The following CNMD variants were observed in gnomAD, a reference collection of about 807,000 sequenced individuals.
The protein encoded by CNMD is chondromodulin, also known as leukocyte cell-derived chemotaxin 1.
CNMD carries 30 observed loss-of-function variants against 37.5 expected under a neutral mutation model. The ratio of observed to expected loss-of-function variants is 0.80; its 90% CI spans 0.60 to 1.09. The LOEUF is 1.09. Among genes scored for constraint, CNMD ranks in the 50% least tolerant of loss-of-function variants. CNMD has a pLI of 0.00. For missense variants in CNMD, 398 were observed against 423.9 expected, an observed-to-expected ratio of 0.94 and a Z score of 0.54; for synonymous variants, 167 against 148.2, an observed-to-expected ratio of 1.13 and a Z score of -0.92.
chr13:52,712,066 G>A (rs140392708), intron 5 of CNMD, among the ~76,000 whole-genome samples: 3 of 152,256 alleles, frequency 2.0e-5, no homozygotes, highest in African/African-American at 4.8e-5. Flanking sequence ...GGCCAGTGTG[G>A]TGACTGCAGT....
intron 6 of CNMD, among the ~76,000 whole-genome samples, chr13:52,708,121 TA>T (rs757912065): frequency 7.2e-5 from 11 of 151,996 alleles, no homozygotes; most frequent in Non-Finnish European, 1.5e-4. Flanking sequence ...AATAATTGAA[TA>T]AAAGTCTAAG....
rs1209678450 is a variant in CNMD at position 52,739,293 on chromosome 13, C to T, written c.73-122G>A. 1.2e-5 allele frequency: 15 copies of T among 1,211,832 alleles called. No homozygotes were observed. The highest frequency in any genetic ancestry group is 3.0e-5 in the East Asian group (1 of 32,842). 75.1% of individuals were successfully genotyped at this position (1,211,832 alleles called of 1,614,324 possible). A position where few individuals can be genotyped will look rare whatever the true frequency, so the allele number is the denominator to read the frequency against. On this transcript the variant is annotated intron_variant, in intron 1 of 6. Coordinates refer to ENST00000377962, the MANE Select transcript of CNMD (RefSeq NM_007015.3). The surrounding 1 kb of genome is among the most constrained non-coding windows in gnomAD (Gnocchi z 5.4). Reference sequence around the variant, plus strand: ...GGGGAGTCGGGCGGGAAACAGCTCGCCCGGGCTCCTACGGGTGCCCCTTTC... The same window carrying T: ...GGGGAGTCGGGCGGGAAACAGCTCGTCCGGGCTCCTACGGGTGCCCCTTTC...
intron 4 of CNMD, among the ~76,000 whole-genome samples, chr13:52,722,593 G>A (rs1964502360): frequency 6.6e-6 from 1 of 152,030 alleles, no homozygotes; most frequent in South Asian, 2.1e-4. Flanking sequence ...ACGTTTTTCT[G>A]ACTTCAAAGC....
At position 52,733,376 on chromosome 13, in the gene CNMD, G is replaced by A; in HGVS notation, c.214-17C>T. ...ATTGTAAATCTGAAAGTGAGCATAA[G>A]AGTTAGTGATGCTTTCTTTTTTGAG... is the stretch of plus-strand genomic sequence containing the variant. On this transcript the variant is annotated splice_polypyrimidine_tract_variant and intron_variant, in intron 2 of 6. Coordinates refer to ENST00000377962, the MANE Select transcript of CNMD (RefSeq NM_007015.3). 1 of 1,613,286 alleles carries A rather than the reference G, an allele frequency of 6.2e-7. No individual in the cohort carries two copies. The highest frequency in any genetic ancestry group is 8.5e-7 in the Non-Finnish European group (1 of 1,179,270).
intron 2 of CNMD, among the ~76,000 whole-genome samples, chr13:52,738,098 A>T (rs923723987): frequency 7.2e-5 from 11 of 152,372 alleles, no homozygotes; most frequent in Middle Eastern, 3.4e-3. Context: ...ATGGTAGGAG[A>T]GAGGAAAAAA....
chr13:52,735,369 GTT>G (rs5803608), intron 2 of CNMD, among the ~76,000 whole-genome samples: 1 of 151,860 alleles, frequency 6.6e-6, no homozygotes, highest in African/African-American at 2.4e-5. Flanking sequence ...GAGGTTCTGT[GTT>G]TTTTTTTAAG....
intron 4 of CNMD, among the ~76,000 whole-genome samples, chr13:52,722,098 G>A (rs1240033961): frequency 6.6e-6 from 1 of 151,996 alleles, no homozygotes; most frequent in African/African-American, 2.4e-5. Context: ...CCGAGAAGAC[G>A]ACCTTTGATT....
chr13:52,723,048 A>T (rs1964508980), intron 4 of CNMD, among the ~76,000 whole-genome samples: 1 of 151,794 alleles, frequency 6.6e-6, no homozygotes, highest in African/African-American at 2.4e-5. Context: ...TTTAATGAAG[A>T]CCCTGTCTTG....
rs1445692530 is a variant in CNMD, at chr13:52,708,674, T to C, written c.651A>G (p.Val217=). 1.9e-6 allele frequency: 3 copies of C among 1,610,528 alleles called. No individual in the cohort carries two copies. Among genetic ancestry groups the C allele is most frequent in the Middle Eastern group, 3.3e-4 (2 of 6,052 alleles). ...TTGTGGTAGTTGGAACAATTTTTCTTACCACTTCTCTTCTTTCCCTCTGGA... is the reference window on the plus strand; with the variant it reads ...TTGTGGTAGTTGGAACAATTTTTCTCACCACTTCTCTTCTTTCCCTCTGGA... ...KEIQRERREV[V]RKIVPTTTKR... The change falls in exon 6 of 7, where the codon GTA becomes GTG. Residue 217 remains valine (V), a synonymous_variant. Transcript: ENST00000377962.
intron 6 of CNMD, among the ~76,000 whole-genome samples, chr13:52,707,797 T>C (rs753343809): frequency 5.9e-5 from 9 of 152,078 alleles, no homozygotes; most frequent in Non-Finnish European, 1.2e-4. Flanking sequence ...TAAGTGTTCT[T>C]ACCCTTAATT....
intron 4 of CNMD, among the ~76,000 whole-genome samples, chr13:52,723,142 A>C (rs1964510608): frequency 6.6e-6 from 1 of 151,920 alleles, no homozygotes; most frequent in South Asian, 2.1e-4. Context: ...CCCAGCCTGG[A>C]GTGCACTGGT....
In CNMD at chr13:52,719,008, C is replaced by T. The variant is rs768710337; in HGVS notation, c.468+4989G>A. Among the ~76,000 whole-genome samples the T allele has an allele frequency of 2.6e-5, 4 of 152,112 alleles. No individual in the cohort carries two copies. The South Asian group carries it at 8.3e-4, about 31-fold the overall frequency. ...GAAACTTGCTTTATGAATCTGGGTG[C>T]TCCTATATTGGGTGCATATATATTT... On this transcript the variant is annotated intron_variant, in intron 4 of 6. Transcript: ENST00000377962.
intron 4 of CNMD, among the ~76,000 whole-genome samples, chr13:52,713,933 C>T (rs1196936183): frequency 4.6e-5 from 7 of 152,188 alleles, no homozygotes; most frequent in Admixed American, 3.9e-4. Flanking sequence ...TCCTTCCTCC[C>T]CCACCTGCCT....
At position 52,739,499 on chromosome 13, in the gene CNMD, A is replaced by G; in HGVS notation, c.72+131T>C. 3.6e-6 allele frequency: 3 copies of G among 844,120 alleles called. No individual in the cohort carries two copies. The allele number at this position is 844,120 out of a possible 1,614,324, so 52.3% of individuals were successfully genotyped here. A position where few individuals can be genotyped will look rare whatever the true frequency, so the allele number is the denominator to read the frequency against. On this transcript the variant is annotated intron_variant, in intron 1 of 6. Coordinates refer to ENST00000377962, the MANE Select transcript of CNMD (RefSeq NM_007015.3). This position sits in a 1 kb window ranked among gnomAD's most constrained non-coding sequence, Gnocchi z 5.4. Reference sequence around the variant, plus strand: ...ATACGCGTGGGGCGACATCCCACCCACACATTTGGGACCCAAATTTATCCC... The same window carrying G: ...ATACGCGTGGGGCGACATCCCACCCGCACATTTGGGACCCAAATTTATCCC...
At chr13:52,727,520 T>C (rs1173038485) in intron 3 of CNMD, among the ~76,000 whole-genome samples, 1 of 151,926 alleles carries the variant, frequency 6.6e-6, no homozygotes, top group African/African-American at 2.4e-5. Context: ...AAAAATTAGC[T>C]AGGTGTGGTG....
At chr13:52,717,479 T>C (rs1199752644) in intron 4 of CNMD, among the ~76,000 whole-genome samples, 2 of 152,200 alleles carry the variant, frequency 1.3e-5, no homozygotes, top group Admixed American at 1.3e-4. Flanking sequence ...GGCTGTGGGT[T>C]TGTCATAGAT....
intron 3 of CNMD, 190 bp downstream of exon 3, chr13:52,733,029 C>T: frequency 3.3e-6 from 2 of 603,188 alleles, no homozygotes; most frequent in Non-Finnish European, 5.8e-6. Context: ...TTTTCTTTTG[C>T]AAATATGAAG....
chr13:52,736,276 G>C (rs990205572), intron 2 of CNMD, among the ~76,000 whole-genome samples: 18 of 152,240 alleles, frequency 1.2e-4, no homozygotes, highest in African/African-American at 2.2e-4. Context: ...TTACAGGCGT[G>C]AGCCACCGCG....
intron 2 of CNMD, among the ~76,000 whole-genome samples, chr13:52,736,385 T>C (rs1964764392): frequency 1.3e-5 from 2 of 152,168 alleles, no homozygotes; most frequent in South Asian, 4.1e-4. Flanking sequence ...TGCCTTGGCC[T>C]CCCAAAGTGC....
Sources: allele counts gnomAD v4.1 joint callset (sites outside exome capture counted in the v4.1 genomes callset), GRCh38; gene constraint gnomAD v4.1.1; non-coding constraint Gnocchi (gnomAD v3.1); transcripts MANE v1.5; gene names NCBI Gene and HGNC (gene_info 2026-07-23, HGNC 2026-07-21).